Variants in DLG2 observed in about 807,000 individuals in gnomAD.
The protein encoded by DLG2 is disks large homolog 2.
DLG2 carries 45 observed loss-of-function variants against 132.5 expected under a neutral mutation model. The ratio of observed to expected loss-of-function variants is 0.34; its 90% confidence interval spans 0.27 to 0.44. The LOEUF (loss-of-function observed/expected upper bound fraction) is 0.44, where lower values mean the gene tolerates loss of function less well. Ranked by LOEUF, DLG2 falls within the 20% of genes least tolerant of loss-of-function variation. The pLI, the probability that DLG2 is intolerant of heterozygous loss-of-function variation, is 1.00. For missense variants in DLG2, 1,045 were observed against 1,196.9 expected (o/e 0.87, Z 1.87); for synonymous variants, 424 against 419.6 (o/e 1.01, Z -0.13).
At chr11:85,029,838 T>C (rs887887437) in intron 6 of DLG2, among the ~76,000 whole-genome samples, 3 of 152,174 alleles carry the variant, frequency 2.0e-5, no homozygotes, top group African/African-American at 7.2e-5. Context: ...CCCATGTAGG[T>C]GGGCTTACAG....
At chr11:84,337,035 G>A (rs530168872) in intron 7 of DLG2, among the ~76,000 whole-genome samples, 2 of 152,252 alleles carry the variant, frequency 1.3e-5, no homozygotes, top group East Asian at 1.9e-4. Flanking sequence ...ACATGATTGA[G>A]TCTGACATTC....
intron 7 of DLG2, among the ~76,000 whole-genome samples, chr11:84,514,992 T>C (rs796315403): frequency 7.2e-5 from 11 of 151,976 alleles, no homozygotes; most frequent in African/African-American, 2.7e-4. Context: ...AGATCTGTTA[T>C]AACTGTAACA....
intron 6 of DLG2, among the ~76,000 whole-genome samples, chr11:85,012,764 G>T (rs1486935605): frequency 6.6e-6 from 1 of 152,142 alleles, no homozygotes; most frequent in Non-Finnish European, 1.5e-5. Flanking sequence ...AATATCAAAT[G>T]AGTATTTTTT....
intron 6 of DLG2, among the ~76,000 whole-genome samples, chr11:84,861,646 A>AAAAAC: frequency 7.0e-6 from 1 of 142,438 alleles, no homozygotes; most frequent in Non-Finnish European, 1.5e-5. Flanking sequence ...AAAACAAAAA[A>AAAAAC]AAAAACCTAT....
intron 6 of DLG2, among the ~76,000 whole-genome samples, chr11:84,759,472 ATC>A (rs1226587378): frequency 3.9e-5 from 6 of 152,200 alleles, no homozygotes; most frequent in Admixed American, 3.3e-4. Context: ...TCATAGCATC[ATC>A]TGTTTTCTGC....
At chr11:84,256,216 T>C (rs1165783046) in intron 7 of DLG2, among the ~76,000 whole-genome samples, 1 of 152,206 alleles carries the variant, frequency 6.6e-6, no homozygotes, top group Non-Finnish European at 1.5e-5. Flanking sequence ...TCATTGATTC[T>C]GACTAATGTG....
chr11:84,856,838 G>T (rs1414785999), intron 6 of DLG2, among the ~76,000 whole-genome samples: 1 of 151,796 alleles, frequency 6.6e-6, no homozygotes, highest in Non-Finnish European at 1.5e-5. Context: ...GCCTTGCTGC[G>T]GTTCTTGTTA....
At chr11:85,124,491 A>ATAAGCCAG in intron 5 of DLG2, among the ~76,000 whole-genome samples, 1 of 152,230 alleles carries the variant, frequency 6.6e-6, no homozygotes, top group African/African-American at 2.4e-5. Context: ...GGAACTACTG[A>ATAAGCCAG]TAAGCCAGTA....
chr11:85,395,635 A>G (rs1435647761), intron 3 of DLG2, among the ~76,000 whole-genome samples: 1 of 152,180 alleles, frequency 6.6e-6, no homozygotes, highest in East Asian at 1.9e-4. Flanking sequence ...TCCCCTGCCC[A>G]CAGAGACTTG....
intron 9 of DLG2, among the ~76,000 whole-genome samples, chr11:84,128,635 T>G (rs1018514968): frequency 1.3e-5 from 2 of 152,220 alleles, no homozygotes; most frequent in Middle Eastern, 6.8e-3. Flanking sequence ...TGGGATTGAC[T>G]TTAATATATT....
intron 7 of DLG2, among the ~76,000 whole-genome samples, chr11:84,291,365 T>A (rs1451223053): frequency 6.6e-6 from 1 of 152,158 alleles, no homozygotes; most frequent in Non-Finnish European, 1.5e-5. Flanking sequence ...ATCCTAACTA[T>A]CTCAACTGAC....
At chr11:84,328,141 C>T (rs995914139) in intron 7 of DLG2, among the ~76,000 whole-genome samples, 1 of 152,044 alleles carries the variant, frequency 6.6e-6, no homozygotes, top group South Asian at 2.1e-4. Flanking sequence ...ATGTGCTATC[C>T]CTTGCCCACT....
At chr11:83,596,059 C>G (rs1326399935) in intron 19 of DLG2, among the ~76,000 whole-genome samples, 1 of 152,080 alleles carries the variant, frequency 6.6e-6, no homozygotes, top group African/African-American at 2.4e-5. Context: ...GCACAGTGGA[C>G]CTTATTTTAA....
chr11:83,679,361 CT>C (rs1211393961), intron 18 of DLG2, among the ~76,000 whole-genome samples: 5 of 151,980 alleles, frequency 3.3e-5, no homozygotes, highest in Admixed American at 1.3e-4. Flanking sequence ...GAATTCTGGC[CT>C]AGTTGTTATT....
intron 6 of DLG2, among the ~76,000 whole-genome samples, chr11:84,634,968 A>C (rs1382017465): frequency 6.6e-6 from 1 of 152,228 alleles, no homozygotes; most frequent in Non-Finnish European, 1.5e-5. Flanking sequence ...CTACAGGGTC[A>C]ATCCAGAAGT....
chr11:85,239,000 G>A (rs1208417761), intron 4 of DLG2, among the ~76,000 whole-genome samples: 3 of 151,946 alleles, frequency 2.0e-5, no homozygotes, highest in African/African-American at 4.8e-5. Flanking sequence ...AGCATCATTA[G>A]TGGCACTCCA....
At chr11:84,199,358 G>A (rs982835218) in intron 8 of DLG2, among the ~76,000 whole-genome samples, 5 of 152,120 alleles carry the variant, frequency 3.3e-5, no homozygotes, top group Admixed American at 6.5e-5. Flanking sequence ...GTTACCAAAT[G>A]TAGGGCAGAG....
chr11:84,869,967 A>C (rs976684637), intron 6 of DLG2, among the ~76,000 whole-genome samples: 5 of 151,876 alleles, frequency 3.3e-5, no homozygotes, highest in African/African-American at 4.8e-5. Flanking sequence ...GGAGATGTAC[A>C]TGTGTCAGCA....
intron 6 of DLG2, among the ~76,000 whole-genome samples, chr11:84,754,495 C>T (rs1347023479): frequency 6.6e-6 from 1 of 151,846 alleles, no homozygotes; most frequent in Non-Finnish European, 1.5e-5. Context: ...GAATCTGGAA[C>T]TTAGAAAAGC....
Sources: gnomAD v4.1 joint callset for allele counts (sites outside exome capture counted in the v4.1 genomes callset) on GRCh38, gnomAD v4.1.1 for gene constraint, MANE v1.5 for transcripts, NCBI Gene and HGNC (gene_info 2026-07-23, HGNC 2026-07-21) for gene names.